TMEM272: variants seen among roughly 807,000 people sequenced by gnomAD.
TMEM272 encodes transmembrane protein 272.
TMEM272 carries 8 observed loss-of-function variants against 3.7 expected under a neutral mutation model. That is an observed-to-expected ratio of 2.17 (90% CI 1.27 to 3.91). TMEM272 has a LOEUF of 3.91. TMEM272 is among the 30% of genes most tolerant of loss of function. The pLI, the probability that TMEM272 is intolerant of heterozygous loss-of-function variation, is 0.00. For missense variants in TMEM272, 166 were observed against 91.5 expected (o/e 1.81, Z -3.32); for synonymous variants, 63 against 39.8 (o/e 1.58, Z -2.20).
At chr13:51,823,410 T>G (rs1956097290) in intron 3 of TMEM272, among the ~76,000 whole-genome samples, 1 of 152,256 alleles carries the variant, frequency 6.6e-6, no homozygotes, top group South Asian at 2.1e-4. Context: ...GATACATGAT[T>G]CGTTGTTTGC....
At chr13:51,893,348 C>T in the TMEM272 span, among the ~76,000 whole-genome samples, 1 of 152,218 alleles carries the variant, frequency 6.6e-6, no homozygotes, top group African/African-American at 2.4e-5. Flanking sequence ...TAAAGAAGTA[C>T]ATGCGAAAAG....
At chr13:51,844,464 T>C (rs543745880) in intron 1 of TMEM272, among the ~76,000 whole-genome samples, 2 of 152,368 alleles carry the variant, frequency 1.3e-5, no homozygotes, top group East Asian at 3.9e-4. Context: ...CTTTCTTATC[T>C]GTAGCTCTCT....
chr13:51,900,244 T>A, the TMEM272 span, among the ~76,000 whole-genome samples: 1 of 152,112 alleles, frequency 6.6e-6, no homozygotes, highest in South Asian at 2.1e-4. Context: ...AAGTCACAGA[T>A]CTGATAAGGG....
At chr13:51,915,447 A>C in the TMEM272 span, among the ~76,000 whole-genome samples, 1 of 152,248 alleles carries the variant, frequency 6.6e-6, no homozygotes, top group South Asian at 2.1e-4. Flanking sequence ...TATGTTCCTG[A>C]CAAGAGAGAC....
chr13:51,888,046 CTTTTT>C, the TMEM272 span, among the ~76,000 whole-genome samples: 1 of 141,802 alleles, frequency 7.1e-6, no homozygotes, highest in Non-Finnish European at 1.6e-5. Flanking sequence ...TTGACACAAT[CTTTTT>C]TTTTTTTTTT....
the TMEM272 span, chr13:51,933,763 C>T: frequency 6.6e-6 from 1 of 152,230 alleles, no homozygotes; most frequent in Non-Finnish European, 1.5e-5. Flanking sequence ...AGGTGACAGT[C>T]AGAAGACTGA....
chr13:51,817,164 G>A (rs1217005072), intron 4 of TMEM272, 51 bp from the exon 5 acceptor site: 10 of 670,038 alleles, frequency 1.5e-5, no homozygotes, highest in East Asian at 2.7e-5. Context: ...CAAAATAGAC[G>A]GGAAGAGAGG....
chr13:51,903,196 T>A, the TMEM272 span, among the ~76,000 whole-genome samples: 1 of 152,260 alleles, frequency 6.6e-6, no homozygotes, highest in Non-Finnish European at 1.5e-5. Flanking sequence ...TAGAACTGGA[T>A]GCACGAGGCA....
chr13:51,918,486 G>A, the TMEM272 span, among the ~76,000 whole-genome samples: 384 of 152,302 alleles, frequency 2.5e-3, 3 homozygotes, highest in African/African-American at 8.9e-3. Context: ...AATAGAAGAA[G>A]CAAAAATGAT....
the TMEM272 span, chr13:51,908,602 C>A: frequency 5.3e-6 from 8 of 1,504,644 alleles, no homozygotes; most frequent in Non-Finnish European, 6.5e-6. Context: ...AGAGATGAAT[C>A]AGCCACATTT....
chr13:51,883,783 C>T, the TMEM272 span, among the ~76,000 whole-genome samples: 3 of 152,206 alleles, frequency 2.0e-5, no homozygotes, highest in Non-Finnish European at 2.9e-5. Flanking sequence ...TGGTTGAAAA[C>T]ACAACTAATG....
chr13:51,847,110 G>C (rs1956311101), upstream of TMEM272, among the ~76,000 whole-genome samples: 1 of 152,092 alleles, frequency 6.6e-6, no homozygotes, highest in Admixed American at 6.5e-5. Context: ...ACTATGTGTA[G>C]TATTTTCTAC....
At chr13:51,847,346 C>T (rs61957371), upstream of TMEM272, among the ~76,000 whole-genome samples, 4 of 152,130 alleles carry the variant, frequency 2.6e-5, no homozygotes, top group Non-Finnish European at 4.4e-5. Context: ...ACAAATCCTT[C>T]GTGAACTGTG....
chr13:51,889,633 T>G, the TMEM272 span, among the ~76,000 whole-genome samples: 1,081 of 147,998 alleles, frequency 7.3e-3, 9 homozygotes, highest in African/African-American at 0.019. Flanking sequence ...TTTGTGTGTG[T>G]GTGGGGGGGT....
chr13:51,840,793 C>T (rs1488124782), intron 1 of TMEM272, among the ~76,000 whole-genome samples: 1 of 152,230 alleles, frequency 6.6e-6, no homozygotes, highest in East Asian at 1.9e-4. Flanking sequence ...CCACAATGTT[C>T]TTGCAAAAAC....
At chr13:51,850,467 C>T in the TMEM272 span, among the ~76,000 whole-genome samples, 1 of 152,326 alleles carries the variant, frequency 6.6e-6, no homozygotes, top group South Asian at 2.1e-4. Context: ...GGTACACTTA[C>T]ATCAATGAGC....
intron 3 of TMEM272, among the ~76,000 whole-genome samples, chr13:51,824,216 T>C (rs759038295): frequency 1.1e-4 from 17 of 152,254 alleles, no homozygotes; most frequent in Non-Finnish European, 2.5e-4. Flanking sequence ...TGTGTTCTCA[T>C]GTACTTCTTA....
At chr13:51,930,151 C>T in the TMEM272 span, among the ~76,000 whole-genome samples, 1 of 150,452 alleles carries the variant, frequency 6.6e-6, no homozygotes, top group Non-Finnish European at 1.5e-5. Flanking sequence ...TTCTATATTT[C>T]TATATGCTTA....
chr13:51,922,248 GGGTCATCTCCAGAAA>G, the TMEM272 span, among the ~76,000 whole-genome samples: 1 of 152,152 alleles, frequency 6.6e-6, no homozygotes, highest in African/African-American at 2.4e-5. Context: ...AACACAGGAA[GGGTCATCTCCAGAAA>G]AGAGCCCTGT....
Sources: allele counts gnomAD v4.1 joint callset (sites outside exome capture counted in the v4.1 genomes callset), GRCh38; gene constraint gnomAD v4.1.1; transcripts MANE v1.5; gene names NCBI Gene and HGNC (gene_info 2026-07-23, HGNC 2026-07-21).